ALG14: variants seen among roughly 807,000 people sequenced by gnomAD.
ALG14 encodes the protein ALG14 UDP-N-acetylglucosaminyltransferase subunit, also known as UDP-N-acetylglucosamine transferase subunit ALG14.
In ALG14, 17 loss-of-function variants were observed where a neutral mutation model predicts 22.8. The ratio of observed to expected loss-of-function variants is 0.75; its 90% CI spans 0.51 to 1.12. The LOEUF is 1.12. ALG14 is among the 50% of genes most tolerant of loss of function. ALG14 has a pLI of 0.00. For synonymous variants in ALG14, 89 were observed against 103.7 expected (o/e 0.86, Z 0.86); for missense variants, 288 against 271.8 (o/e 1.06, Z -0.42).
intron 2 of ALG14, among the ~76,000 whole-genome samples, chr1:95,034,600 G>A (rs1432439263): frequency 6.6e-6 from 1 of 152,124 alleles, no homozygotes; most frequent in Admixed American, 6.6e-5. Flanking sequence ...CTTCCCTAAA[G>A]TGACAGCACC....
intron 3 of ALG14, among the ~76,000 whole-genome samples, chr1:95,007,575 T>C (rs1673252193): frequency 1.3e-5 from 2 of 152,382 alleles, no homozygotes; most frequent in South Asian, 4.1e-4. Context: ...CATCCCATTT[T>C]GGTCTGAGAC....
At chr1:95,038,067 T>C (rs931662562) in intron 2 of ALG14, among the ~76,000 whole-genome samples, 2 of 152,186 alleles carry the variant, frequency 1.3e-5, no homozygotes, top group South Asian at 2.1e-4. Context: ...CTGGACCAGG[T>C]GCGGTGGTTC....
chr1:95,049,046 G>T (rs1674659803), intron 2 of ALG14, among the ~76,000 whole-genome samples: 1 of 151,998 alleles, frequency 6.6e-6, no homozygotes, highest in South Asian at 2.1e-4. Context: ...GAAGAAATTT[G>T]AATGAAGAAT....
At position 94,978,304 on chromosome 1, in the gene ALG14, A is replaced by C. The variant is rs12058601; in HGVS notation, c.*4772T>G. 6.6e-6 allele frequency: 1 copy of C among 151,740 alleles called. No homozygotes were observed. Among genetic ancestry groups the C allele is most frequent in the African/African-American group, 2.4e-5 (1 of 41,274 alleles). 9.4% of individuals were successfully genotyped at this position (151,740 alleles called of 1,614,324 possible). A position where few individuals can be genotyped will look rare whatever the true frequency, so the allele number is the denominator to read the frequency against. On this transcript the variant is annotated 3_prime_UTR_variant, in exon 4 of 4. Transcript: ENST00000370205. ...TCTTGAACTCCTGACCTTGTGATAC[A>C]CCCACCTTGGCCTCCCAAAGTGCTG...
intron 3 of ALG14, among the ~76,000 whole-genome samples, chr1:94,998,043 T>C (rs1227442763): frequency 6.6e-6 from 1 of 152,164 alleles, no homozygotes; most frequent in African/African-American, 2.4e-5. Context: ...GGTGGCAGAA[T>C]AAACCCCTAT....
At position 94,981,417 on chromosome 1, in the gene ALG14, G is replaced by A. The variant is rs1362984832; in HGVS notation, c.*1659C>T. 9 of 145,828 alleles carry A rather than the reference G, an allele frequency of 6.2e-5. No homozygotes were observed. The East Asian group carries it at 1.6e-3, about 26-fold the overall frequency. 9.0% of individuals were successfully genotyped at this position (145,828 alleles called of 1,614,324 possible). On this transcript the variant is annotated 3_prime_UTR_variant, in exon 4 of 4. Coordinates refer to ENST00000370205, the MANE Select transcript of ALG14 (RefSeq NM_144988.4). The stretch of plus-strand genomic sequence containing the variant: ...AGATGTCCGGCTGACAGATGCGCCT[G>A]TTACATGATTCAGAGAAGACAGTTT...
chr1:95,015,870 ATTCCGTG>A (rs1673484134), intron 3 of ALG14, among the ~76,000 whole-genome samples: 1 of 152,166 alleles, frequency 6.6e-6, no homozygotes, highest in African/African-American at 2.4e-5. Context: ...TTGTGTAGAC[ATTCCGTG>A]GTCTAAGTTT....
At chr1:95,002,619 C>A (rs932765839) in intron 3 of ALG14, among the ~76,000 whole-genome samples, 3 of 152,180 alleles carry the variant, frequency 2.0e-5, no homozygotes, top group African/African-American at 7.2e-5. Context: ...GTGCCAGTAG[C>A]CTTCAGAAAC....
Position 94,982,076 on chromosome 1 carries a change from T to C in ALG14, c.*1000A>G, listed in dbSNP as rs1173328655. 3 of 151,812 alleles carry C rather than the reference T, an allele frequency of 2.0e-5. No individual in the cohort carries two copies. Among genetic ancestry groups the C allele is most frequent in the African/African-American group, 7.3e-5 (3 of 41,328 alleles). 9.4% of individuals were successfully genotyped at this position (151,812 alleles called of 1,614,324 possible). ...TACTCATGTGATCTTGGACAAGTCATCTGTAAAATGGGAATAATAACAGTC... is the reference window on the plus strand; with the variant it reads ...TACTCATGTGATCTTGGACAAGTCACCTGTAAAATGGGAATAATAACAGTC... On this transcript the variant is annotated 3_prime_UTR_variant, in exon 4 of 4. Transcript: ENST00000370205.
intron 3 of ALG14, among the ~76,000 whole-genome samples, chr1:95,024,743 A>G (rs1673764044): frequency 6.6e-6 from 1 of 152,192 alleles, no homozygotes; most frequent in Admixed American, 6.5e-5. Flanking sequence ...ATAGGGTCCT[A>G]GTCAAGTTTC....
chr1:94,987,180 T>C (rs113019921), intron 3 of ALG14, among the ~76,000 whole-genome samples: 87 of 152,272 alleles, frequency 5.7e-4, no homozygotes, highest in African/African-American at 2.0e-3. Flanking sequence ...AAAGGCAGCA[T>C]TACGATCCAT....
At chr1:95,035,263 C>A (rs1674147109) in intron 2 of ALG14, among the ~76,000 whole-genome samples, 1 of 152,166 alleles carries the variant, frequency 6.6e-6, no homozygotes, top group Non-Finnish European at 1.5e-5. Context: ...GTATATCCTG[C>A]AAAATTTACC....
At chr1:95,011,704 C>T (rs952665014) in intron 3 of ALG14, among the ~76,000 whole-genome samples, 4 of 152,044 alleles carry the variant, frequency 2.6e-5, no homozygotes, top group African/African-American at 9.7e-5. Flanking sequence ...TGTGAGCCGC[C>T]GTGCCCAGCC....
chr1:95,014,981 G>A (rs1673462593), intron 3 of ALG14, among the ~76,000 whole-genome samples: 1 of 152,218 alleles, frequency 6.6e-6, no homozygotes, highest in African/African-American at 2.4e-5. Flanking sequence ...AATCTGAAGA[G>A]AGCGCTATAC....
intron 3 of ALG14, among the ~76,000 whole-genome samples, chr1:95,022,587 C>T (rs1349256300): frequency 6.6e-6 from 1 of 152,194 alleles, no homozygotes; most frequent in Non-Finnish European, 1.5e-5. Context: ...ATTATTTTAA[C>T]ACATTATAGA....
chr1:95,044,440 C>T (rs565272282), intron 2 of ALG14, among the ~76,000 whole-genome samples: 59 of 152,186 alleles, frequency 3.9e-4, no homozygotes, highest in Non-Finnish European at 7.5e-4. Context: ...CTCCTCCCAT[C>T]TCCTCTTCAG....
At chr1:95,004,832 A>G (rs754667953) in intron 3 of ALG14, among the ~76,000 whole-genome samples, 7 of 146,220 alleles carry the variant, frequency 4.8e-5, no homozygotes, top group Non-Finnish European at 9.1e-5. Context: ...TTGAGACAGA[A>G]TCTCGCTCTG....
intron 1 of ALG14, among the ~76,000 whole-genome samples, chr1:95,070,503 G>C (rs1446968163): frequency 6.6e-6 from 1 of 152,120 alleles, no homozygotes; most frequent in Non-Finnish European, 1.5e-5. Context: ...TTGTAATTTT[G>C]TTCAGCATCT....
chr1:95,042,583 T>C (rs965069841), intron 2 of ALG14, among the ~76,000 whole-genome samples: 1 of 152,214 alleles, frequency 6.6e-6, no homozygotes, highest in African/African-American at 2.4e-5. Flanking sequence ...CCCTTTTGGG[T>C]GCCCCTTGTT....
Sources: gnomAD v4.1 joint callset for allele counts (sites outside exome capture counted in the v4.1 genomes callset) on GRCh38, gnomAD v4.1.1 for gene constraint, MANE v1.5 for transcripts, NCBI Gene and HGNC (gene_info 2026-07-23, HGNC 2026-07-21) for gene names.